The following PEPD variants were observed in gnomAD, a reference collection of about 807,000 sequenced individuals.
The protein encoded by PEPD is peptidase D.
A neutral mutation model predicts 60.7 loss-of-function variants in PEPD; 53 were observed. The ratio of observed to expected loss-of-function variants is 0.87; its 90% CI spans 0.70 to 1.10. PEPD has a LOEUF of 1.10. Ranked by LOEUF, PEPD falls within the 50% of genes least tolerant of loss-of-function variation. The pLI, the probability that PEPD is intolerant of heterozygous loss-of-function variation, is 0.00. For missense variants in PEPD, 711 were observed against 711.9 expected (o/e 1.00, Z 0.01); for synonymous variants, 267 against 284.1 (o/e 0.94, Z 0.60).
intron 9 of PEPD, among the ~76,000 whole-genome samples, chr19:33,434,051 C>CCT (rs1305000499): frequency 7.2e-5 from 11 of 152,172 alleles, no homozygotes; most frequent in African/African-American, 2.7e-4. Context: ...CTTCTCTTCC[C>CCT]CTCTCCTCCT....
chr19:33,495,618 C>T (rs750210480), intron 4 of PEPD, among the ~76,000 whole-genome samples: 7 of 152,156 alleles, frequency 4.6e-5, no homozygotes, highest in African/African-American at 9.7e-5. Flanking sequence ...AACAATCTCC[C>T]GGGATCCTCC....
In PEPD at chr19:33,391,396, C is replaced by T. The variant is rs558843453; in HGVS notation, c.1051G>A (p.Val351Met). Reference protein sequence around the residue: ...LAHMGILSGSVDAMVQAHLGA... With the variant: ...LAHMGILSGSMDAMVQAHLGA... The stretch of plus-strand genomic sequence containing the variant: ...AGGTGAGCCTGGACCATGGCGTCCA[C>T]GCTGCCGCTCAGGATGCCCATGTGG... Residue 351 changes from valine to methionine, a missense_variant, in exon 13 of 15, where the codon GTG becomes ATG. Coordinates refer to ENST00000244137, the MANE Select transcript of PEPD (RefSeq NM_000285.4). 2.7e-5 allele frequency: 43 copies of T among 1,590,674 alleles called. No individual in the cohort carries two copies. In the East Asian group the frequency reaches 3.4e-4, roughly 13 times the overall value.
chr19:33,494,775 C>T (rs955657896), intron 4 of PEPD, among the ~76,000 whole-genome samples: 1 of 152,168 alleles, frequency 6.6e-6, no homozygotes, highest in Non-Finnish European at 1.5e-5. Flanking sequence ...GAGAACTTGC[C>T]TGAGTCTGGT....
chr19:33,492,290 C>T (rs576793757), intron 5 of PEPD, among the ~76,000 whole-genome samples: 99 of 152,318 alleles, frequency 6.5e-4, no homozygotes, highest in African/African-American at 2.4e-3. Context: ...GCGCCCCACA[C>T]CCCTGCTACC....
intron 10 of PEPD, among the ~76,000 whole-genome samples, chr19:33,413,227 CCCGG>C (rs1968816096): frequency 6.6e-6 from 1 of 152,232 alleles, no homozygotes; most frequent in Non-Finnish European, 1.5e-5. Context: ...GAGCTCACAG[CCCGG>C]TCCCCACATG....
intron 9 of PEPD, among the ~76,000 whole-genome samples, chr19:33,414,197 G>A (rs1968840442): frequency 1.3e-5 from 2 of 152,206 alleles, no homozygotes; most frequent in South Asian, 2.1e-4. Flanking sequence ...CCAGGGATGT[G>A]GGAGAGGCAA....
chr19:33,485,649 A>G (rs17761078), intron 6 of PEPD, among the ~76,000 whole-genome samples: 15,342 of 152,194 alleles, frequency 0.1, 996 homozygotes, highest in Admixed American at 0.18. Flanking sequence ...TAAAATTCAC[A>G]TCTTCGGATA....
At chr19:33,463,184 A>C in intron 8 of PEPD, 143 bp from the exon 9 acceptor site, 1 of 721,876 alleles carries the variant, frequency 1.4e-6, no homozygotes, top group South Asian at 1.5e-5. Context: ...TGGTACAGAC[A>C]TGTGACAAAT....
rs1049662913 is a variant in PEPD at position 33,388,175 on chromosome 19, C to T, written c.1153-94G>A. 2.9e-6 allele frequency: 3 copies of T among 1,049,668 alleles called. No homozygotes were observed. The African/African-American group carries it at 4.7e-5, about 16-fold the overall frequency. The allele number at this position is 1,049,668 out of a possible 1,614,324, so 65.0% of individuals were successfully genotyped here. On this transcript the variant is annotated intron_variant, in intron 13 of 14. Coordinates refer to ENST00000244137, the MANE Select transcript of PEPD (RefSeq NM_000285.4). The stretch of plus-strand genomic sequence containing the variant: ...TGGGCATGTGAGGGCCGGTGCCAGT[C>T]TCGTGGGCTCTCTTGACCATTGGGG...
intron 7 of PEPD, among the ~76,000 whole-genome samples, chr19:33,467,647 T>A (rs906978109): frequency 6.6e-6 from 1 of 151,878 alleles, no homozygotes; most frequent in African/African-American, 2.4e-5. Context: ...AAACATATGA[T>A]GAAAAGATGG....
chr19:33,478,174 C>G, intron 6 of PEPD, 84 bp from the exon 7 acceptor site: 1 of 859,754 alleles, frequency 1.2e-6, no homozygotes, highest in African/African-American at 1.7e-5. Context: ...GACATGCACA[C>G]GTGATGCATT....
intron 9 of PEPD, among the ~76,000 whole-genome samples, chr19:33,441,572 G>A (rs1455980899): frequency 2.0e-5 from 3 of 152,228 alleles, no homozygotes; most frequent in Non-Finnish European, 2.9e-5. Context: ...CACCAGGGTA[G>A]GAGGCAGCCC....
chr19:33,391,203 C>T (rs1968209427), intron 13 of PEPD, 92 bp downstream of exon 13: 1 of 1,026,244 alleles, frequency 9.7e-7, no homozygotes, highest in African/African-American at 1.6e-5. Flanking sequence ...CCAATACACG[C>T]CTGCTGCCTC....
intron 11 of PEPD, among the ~76,000 whole-genome samples, chr19:33,411,337 C>G (rs185429955): frequency 6.6e-6 from 1 of 152,146 alleles, no homozygotes; most frequent in Admixed American, 6.5e-5. Flanking sequence ...GAGCGTGGTG[C>G]CCCCTGAACG....
intron 7 of PEPD, among the ~76,000 whole-genome samples, chr19:33,468,169 C>T (rs573024231): frequency 6.6e-6 from 1 of 152,316 alleles, no homozygotes; most frequent in East Asian, 1.9e-4. Flanking sequence ...AGCTGAGTCC[C>T]TCTGCACAAG....
At chr19:33,393,711 T>A (rs140230232) in intron 12 of PEPD, among the ~76,000 whole-genome samples, 3,225 of 152,322 alleles carry the variant, frequency 0.021, 45 homozygotes, top group Middle Eastern at 0.071. Context: ...GACATTCACT[T>A]GTTCCTGGGG....
In PEPD at chr19:33,512,658, C is replaced by T. The variant is rs779939461; in HGVS notation, c.136G>A (p.Val46Met). The T allele has an allele frequency of 1.6e-5, 26 of 1,613,878 alleles. No individual in the cohort carries two copies. The East Asian group carries it at 2.4e-4, about 15-fold the overall frequency. The change falls in exon 2 of 15, where the codon GTG becomes ATG. Residue 46 changes from valine (V) to methionine (M), a missense_variant. Physicochemically the swap from Val to Met is conservative, Grantham distance 21. Coordinates refer to ENST00000244137, the MANE Select transcript of PEPD (RefSeq NM_000285.4). Reference sequence around the variant, plus strand: ...GTCTCCTCCCCGCCCTGCAGGACCACGATGGAGCCGGCCTGCACAGCAGGG... The same window carrying T: ...GTCTCCTCCCCGCCCTGCAGGACCATGATGGAGCCGGCCTGCACAGCAGGG... Reference protein sequence around the residue: ...KNPAVQAGSIVVLQGGEETQR... With the variant: ...KNPAVQAGSIMVLQGGEETQR...
At chr19:33,434,155 G>A (rs1033447375) in intron 9 of PEPD, among the ~76,000 whole-genome samples, 2 of 152,088 alleles carry the variant, frequency 1.3e-5, no homozygotes, top group African/African-American at 4.8e-5. Flanking sequence ...CACTTTCAGC[G>A]CTGTTCGTGT....
intron 13 of PEPD, chr19:33,388,635 C>T (rs1968137369): frequency 4.7e-6 from 1 of 212,194 alleles, no homozygotes. Context: ...GTCTGCCAGC[C>T]TTAGTGCGCC....
Sources: gnomAD v4.1 joint callset for allele counts (sites outside exome capture counted in the v4.1 genomes callset) on GRCh38, gnomAD v4.1.1 for gene constraint, MANE v1.5 for transcripts, NCBI Gene and HGNC (gene_info 2026-07-23, HGNC 2026-07-21) for gene names.